The following MCF2L2 variants were observed in gnomAD, a reference collection of about 807,000 sequenced individuals.
The protein encoded by MCF2L2 is probable guanine nucleotide exchange factor MCF2L2.
A neutral mutation model predicts 150.2 loss-of-function variants in MCF2L2; 102 were observed. The observed-to-expected ratio is 0.68, with a 90% CI of 0.58 to 0.80. MCF2L2 has a LOEUF of 0.80. Ranked by LOEUF, MCF2L2 falls within the 30% of genes least tolerant of loss-of-function variation. MCF2L2 has a pLI of 0.00. For missense variants in MCF2L2, 1,256 were observed against 1,372.8 expected, an observed-to-expected ratio of 0.91 and a Z score of 1.34; for synonymous variants, 465 against 491.3, an observed-to-expected ratio of 0.95 and a Z score of 0.71.
At chr3:183,307,248 T>C (rs562460923) in intron 10 of MCF2L2, among the ~76,000 whole-genome samples, 3 of 152,250 alleles carry the variant, frequency 2.0e-5, no homozygotes, top group South Asian at 2.1e-4. Context: ...ATTTGTCAGA[T>C]TGTGGCCAGA....
In MCF2L2 at chr3:183,390,666, G is replaced by A. The variant is rs138889297; in HGVS notation, c.77-887C>T. On this transcript the variant is annotated intron_variant, in intron 1 of 29. Coordinates refer to ENST00000328913, the MANE Select transcript of MCF2L2 (RefSeq NM_015078.4). ...CTGGTGGCTGGGTACTGAGGCCGAG[G>A]GGGAAGGACTATTTGAGGCCAGAAG... Among the ~76,000 whole-genome samples, 457 of 152,302 alleles carry A rather than the reference G, an allele frequency of 3.0e-3. 2 individuals are homozygous for A. Among genetic ancestry groups the A allele is most frequent in the African/African-American group, 0.011 (443 of 41,568 alleles).
intron 15 of MCF2L2, among the ~76,000 whole-genome samples, chr3:183,252,591 C>T (rs1436451970): frequency 2.0e-5 from 3 of 152,158 alleles, no homozygotes; most frequent in Admixed American, 1.3e-4. Context: ...ATCAAGCAAT[C>T]CTCCTGCGGC....
intron 7 of MCF2L2, among the ~76,000 whole-genome samples, chr3:183,314,153 T>C (rs905812732): frequency 6.6e-6 from 1 of 152,192 alleles, no homozygotes. Flanking sequence ...TTCAAATTTA[T>C]CATGAAGCCC....
chr3:183,304,699 C>A (rs1307836279), intron 10 of MCF2L2, among the ~76,000 whole-genome samples: 1 of 151,470 alleles, frequency 6.6e-6, no homozygotes, highest in African/African-American at 2.4e-5. Flanking sequence ...GTCTCGAACT[C>A]CTGAGCTCAG....
intron 27 of MCF2L2, among the ~76,000 whole-genome samples, chr3:183,185,210 G>A (rs924825053): frequency 6.6e-6 from 1 of 152,164 alleles, no homozygotes; most frequent in Non-Finnish European, 1.5e-5. Flanking sequence ...AAGCCACCGC[G>A]CTTGGCCAAT....
At chr3:183,272,320 A>G in intron 15 of MCF2L2, 2 of 1,000,328 alleles carry the variant, frequency 2.0e-6, no homozygotes, top group African/African-American at 1.7e-5. Flanking sequence ...GGCCAAAATA[A>G]TGACTTCAGC....
intron 11 of MCF2L2, 70 bp downstream of exon 11, chr3:183,299,935 G>C: frequency 6.6e-7 from 1 of 1,509,598 alleles, no homozygotes; most frequent in Non-Finnish European, 9.1e-7. Flanking sequence ...AGGAAGGGAG[G>C]ACGAGTATGA....
chr3:183,202,463 G>A (rs758970520), intron 25 of MCF2L2, among the ~76,000 whole-genome samples: 3 of 152,328 alleles, frequency 2.0e-5, no homozygotes, highest in Middle Eastern at 3.4e-3. Flanking sequence ...ACAGATCTGC[G>A]AAGGCCCCAC....
intron 14 of MCF2L2, among the ~76,000 whole-genome samples, chr3:183,281,615 C>T (rs1371286270): frequency 2.6e-5 from 4 of 152,138 alleles, no homozygotes; most frequent in East Asian, 1.9e-4. Context: ...AAAGGGCTTT[C>T]GGACTGCCCA....
chr3:183,376,666 A>C (rs1036151430), intron 3 of MCF2L2: 2 of 152,244 alleles, frequency 1.3e-5, no homozygotes, highest in African/African-American at 4.8e-5. Flanking sequence ...GACAAAACAC[A>C]GATTAACATG....
At chr3:183,288,629 C>G (rs1162606636) in intron 14 of MCF2L2, among the ~76,000 whole-genome samples, 1 of 151,992 alleles carries the variant, frequency 6.6e-6, no homozygotes, top group Non-Finnish European at 1.5e-5. Context: ...TTACAGGCAT[C>G]TGCCACCACG....
intron 4 of MCF2L2, among the ~76,000 whole-genome samples, chr3:183,340,938 G>A (rs111548222): frequency 6.6e-6 from 1 of 152,160 alleles, no homozygotes; most frequent in Non-Finnish European, 1.5e-5. Context: ...GTGAGACACT[G>A]TTTCAAAAAT....
chr3:183,243,746 T>C (rs768028987), intron 15 of MCF2L2, among the ~76,000 whole-genome samples: 6 of 152,202 alleles, frequency 3.9e-5, no homozygotes, highest in Non-Finnish European at 8.8e-5. Flanking sequence ...CATAAGTGTT[T>C]GAACAGTTCG....
At chr3:183,421,355 C>T (rs4859118) in intron 1 of MCF2L2, among the ~76,000 whole-genome samples, 72,492 of 152,086 alleles carry the variant, frequency 0.48, 18,438 homozygotes, top group African/African-American at 0.66. Flanking sequence ...TTTTCTCTCT[C>T]CTTCAGATTG....
intron 15 of MCF2L2, chr3:183,271,956 T>A (rs150155893): frequency 3.5e-5 from 7 of 199,384 alleles, no homozygotes; most frequent in African/African-American, 1.7e-4. Context: ...CAAGGTCTTA[T>A]AAACCACAGC....
intron 14 of MCF2L2, among the ~76,000 whole-genome samples, chr3:183,287,256 T>A (rs1727846955): frequency 6.6e-6 from 1 of 152,226 alleles, no homozygotes; most frequent in African/African-American, 2.4e-5. Flanking sequence ...AGAACTTCCA[T>A]ATGCTTAAAA....
At chr3:183,312,756 C>T (rs550907952) in intron 7 of MCF2L2, among the ~76,000 whole-genome samples, 1 of 152,340 alleles carries the variant, frequency 6.6e-6, no homozygotes, top group Non-Finnish European at 1.5e-5. Context: ...TGGACCCTCT[C>T]AAGCTGGTAC....
At chr3:183,214,507 C>T (rs1157632497) in intron 22 of MCF2L2, among the ~76,000 whole-genome samples, 5 of 151,850 alleles carry the variant, frequency 3.3e-5, no homozygotes, top group African/African-American at 9.7e-5. Flanking sequence ...ACTCATTTTT[C>T]GGACCTTAAT....
chr3:183,400,406 C>A, intron 1 of MCF2L2: 1 of 456,444 alleles, frequency 2.2e-6, no homozygotes, highest in Non-Finnish European at 4.4e-6. Flanking sequence ...GGTGATAGGC[C>A]CTCATCTCTG....
Sources: allele counts gnomAD v4.1 joint callset (sites outside exome capture counted in the v4.1 genomes callset), GRCh38; gene constraint gnomAD v4.1.1; transcripts MANE v1.5; gene names NCBI Gene and HGNC (gene_info 2026-07-23, HGNC 2026-07-21).